PDE4D: variants seen among roughly 807,000 people sequenced by gnomAD.
PDE4D encodes 3',5'-cyclic-AMP phosphodiesterase 4D.
Under a neutral mutation model 87.4 loss-of-function variants are expected in PDE4D, and 24 were observed. The observed-to-expected ratio is 0.27, with a 90% CI of 0.20 to 0.39. PDE4D has a LOEUF of 0.39. Among genes scored for constraint, PDE4D ranks in the 10% least tolerant of loss-of-function variants. PDE4D has a pLI of 1.00. For missense variants in PDE4D, 714 were observed against 1,041.0 expected (o/e 0.69, Z 4.32); for synonymous variants, 384 against 383.2 (o/e 1.00, Z -0.02).
intron 1 of PDE4D, among the ~76,000 whole-genome samples, chr5:60,466,586 C>T (rs1412867471): frequency 2.0e-5 from 3 of 152,102 alleles, no homozygotes; most frequent in African/African-American, 7.2e-5. Context: ...CTGTGCACCA[C>T]AAGAGAGAAA....
At chr5:59,380,155 A>G (rs931916520) in intron 1 of PDE4D, among the ~76,000 whole-genome samples, 6 of 152,214 alleles carry the variant, frequency 3.9e-5, no homozygotes, top group African/African-American at 1.4e-4. Flanking sequence ...GACATCTGTC[A>G]ATATACATTA....
At position 59,718,228 on chromosome 5, in the gene PDE4D, G is replaced by A. The variant is rs76289848; in HGVS notation, c.455+174940C>T. ...ATTTCAGAGTAAGAATACTTATTTC[G>A]ATCCAATGAATTTGATTACCTATTC... On this transcript the variant is annotated intron_variant, in intron 1 of 14. Coordinates refer to ENST00000340635, the MANE Select transcript of PDE4D (RefSeq NM_001104631.2). 8.4e-3 allele frequency among the ~76,000 whole-genome samples: 1,272 copies of A among 152,122 alleles called. 20 individuals are homozygous for A. The highest frequency in any genetic ancestry group is 9.6e-3 in the Non-Finnish European group (653 of 67,996).
intron 1 of PDE4D, among the ~76,000 whole-genome samples, chr5:59,522,837 G>C (rs1482615222): frequency 1.3e-5 from 2 of 152,104 alleles, no homozygotes; most frequent in African/African-American, 4.8e-5. Context: ...ATCCTTAAAA[G>C]GGATAGAAAA....
intron 2 of PDE4D, among the ~76,000 whole-genome samples, chr5:60,041,430 G>T (rs1768467386): frequency 6.6e-6 from 1 of 152,170 alleles, no homozygotes; most frequent in Non-Finnish European, 1.5e-5. Context: ...GCCCTGGCAG[G>T]ATAGTGTTTG....
chr5:59,369,647 G>A (rs879692011), intron 1 of PDE4D, among the ~76,000 whole-genome samples: 4 of 152,104 alleles, frequency 2.6e-5, no homozygotes, highest in Non-Finnish European at 5.9e-5. Context: ...GGAACCTGGG[G>A]TATATGAGCA....
At chr5:59,392,503 C>CTATATATATATATATA (rs3061702) in intron 1 of PDE4D, among the ~76,000 whole-genome samples, 1,790 of 139,168 alleles carry the variant, frequency 0.013, 15 homozygotes, top group South Asian at 0.018. Context: ...GTGTGTGTGT[C>CTATATATATATATATA]TATATATATA....
chr5:59,925,007 C>T lies in PDE4D; in HGVS notation c.272+63481G>A, dbSNP rs992182374. Among the ~76,000 whole-genome samples the T allele has an allele frequency of 3.3e-5, 5 of 151,744 alleles. No homozygotes were observed. The East Asian group carries it at 9.7e-4, about 29-fold the overall frequency. Reference sequence around the variant, plus strand: ...TGGCTAACATGGTGAAACCCCGTCTCTACTAAAAATACAAAAAATTAGCTG... The same window carrying T: ...TGGCTAACATGGTGAAACCCCGTCTTTACTAAAAATACAAAAAATTAGCTG... On this transcript the variant is annotated intron_variant, in intron 3 of 16. Coordinates refer to the PDE4D transcript ENST00000502484.
intron 1 of PDE4D, among the ~76,000 whole-genome samples, chr5:60,218,517 A>G (rs1317845851): frequency 6.6e-6 from 1 of 151,914 alleles, no homozygotes; most frequent in African/African-American, 2.4e-5. Context: ...CTTAAGGAAA[A>G]AAAAGAATAA....
chr5:60,194,448 T>C lies in PDE4D; in HGVS notation c.-89-8761A>G, dbSNP rs181640846. The stretch of plus-strand genomic sequence containing the variant: ...TACATCTAAAATATGAGTGATACCA[T>C]TGATATTATTTTTATCAGCATTTCC... On this transcript the variant is annotated intron_variant, in intron 1 of 16. Transcript: ENST00000502484. Among the ~76,000 whole-genome samples the C allele has an allele frequency of 4.6e-5, 7 of 151,768 alleles. No homozygotes were observed. The East Asian group carries it at 1.2e-3, about 25-fold the overall frequency.
intron 1 of PDE4D, among the ~76,000 whole-genome samples, chr5:59,594,428 C>T (rs1487575137): frequency 1.3e-5 from 2 of 152,028 alleles, no homozygotes; most frequent in Non-Finnish European, 2.9e-5. Context: ...TCAAGCAATT[C>T]TCCTGCCTCA....
intron 2 of PDE4D, among the ~76,000 whole-genome samples, chr5:60,120,684 C>T (rs1269698452): frequency 6.6e-6 from 1 of 152,140 alleles, no homozygotes; most frequent in African/African-American, 2.4e-5. Context: ...GTATTATATA[C>T]CTATATTACT....
chr5:60,063,098 G>A (rs79747814), intron 2 of PDE4D, among the ~76,000 whole-genome samples: 3,007 of 33,284 alleles, frequency 0.09, 35 homozygotes, highest in African/African-American at 0.12. Context: ...AAAGAAAGAA[G>A]AAAGAAAGAA....
At chr5:60,432,979 TG>T (rs1271826376) in intron 1 of PDE4D, among the ~76,000 whole-genome samples, 1 of 152,124 alleles carries the variant, frequency 6.6e-6, no homozygotes, top group East Asian at 1.9e-4. Flanking sequence ...TAAAAACCAT[TG>T]AAGAAAACCT....
chr5:59,151,638 G>T (rs561118037), intron 5 of PDE4D, among the ~76,000 whole-genome samples: 2 of 152,146 alleles, frequency 1.3e-5, no homozygotes, highest in African/African-American at 4.8e-5. Context: ...AGTGACACAC[G>T]CTGTCCTAGT....
intron 6 of PDE4D, among the ~76,000 whole-genome samples, chr5:59,029,901 A>T (rs1444859125): frequency 6.6e-6 from 1 of 151,998 alleles, no homozygotes; most frequent in Non-Finnish European, 1.5e-5. Context: ...CAGTCAATTG[A>T]TTTTTGACAA....
chr5:59,283,894 C>T (rs1234851639), intron 1 of PDE4D, among the ~76,000 whole-genome samples: 2 of 152,148 alleles, frequency 1.3e-5, no homozygotes, highest in Non-Finnish European at 2.9e-5. Flanking sequence ...ATCCCACAGA[C>T]ACTGTTTAGC....
intron 4 of PDE4D, among the ~76,000 whole-genome samples, chr5:59,181,804 A>T (rs1436195877): frequency 2.0e-5 from 3 of 152,076 alleles, no homozygotes; most frequent in African/African-American, 7.2e-5. Context: ...TTTGAACTAA[A>T]CGAATGTGAT....
In PDE4D at chr5:58,975,900, A is replaced by C; in HGVS notation, c.1831-61T>G. 9 of 1,170,554 alleles carry C rather than the reference A, an allele frequency of 7.7e-6. No homozygotes were observed. Among genetic ancestry groups the C allele is most frequent in the Non-Finnish European group, 1.0e-5 (9 of 862,992 alleles). 72.5% of individuals were successfully genotyped at this position (1,170,554 alleles called of 1,614,324 possible). A position where few individuals can be genotyped will look rare whatever the true frequency, so the allele number is the denominator to read the frequency against. On this transcript the variant is annotated intron_variant, in intron 13 of 14. Coordinates refer to ENST00000340635, the MANE Select transcript of PDE4D (RefSeq NM_001104631.2). The surrounding 1 kb of genome is among the most constrained non-coding windows in gnomAD (Gnocchi z 4.2). ...TTCCTTTTTTTTAAAAAAAAAAACA[A>C]AAAAAACTAGAAATTCACATTGGAT...
At chr5:59,983,694 G>A (rs1202764555) in intron 3 of PDE4D, among the ~76,000 whole-genome samples, 1 of 152,074 alleles carries the variant, frequency 6.6e-6, no homozygotes, top group East Asian at 1.9e-4. Flanking sequence ...AAATGAAAAA[G>A]ACTGAAAATA....
Sources: gnomAD v4.1 joint callset for allele counts (sites outside exome capture counted in the v4.1 genomes callset) on GRCh38, gnomAD v4.1.1 for gene constraint, Gnocchi (gnomAD v3.1) non-coding constraint, MANE v1.5 for transcripts, NCBI Gene and HGNC (gene_info 2026-07-23, HGNC 2026-07-21) for gene names.